HDAC9: variants seen among roughly 807,000 people sequenced by gnomAD.
HDAC9 encodes the protein MEF-2 interacting transcription repressor (MITR) protein.
Under a neutral mutation model 139.4 loss-of-function variants are expected in HDAC9, and 41 were observed. That is an observed-to-expected ratio of 0.29 (90% CI 0.23 to 0.38). HDAC9 has a LOEUF of 0.38. HDAC9 is among the 10% of genes least tolerant of loss of function. HDAC9 has a pLI of 1.00. For missense variants in HDAC9, 1,147 were observed against 1,297.0 expected, an observed-to-expected ratio of 0.88 and a Z score of 1.78; for synonymous variants, 517 against 476.2, an observed-to-expected ratio of 1.09 and a Z score of -1.12.
At chr7:18,299,894 T>A (rs73305260) in intron 1 of HDAC9, among the ~76,000 whole-genome samples, 3,007 of 152,276 alleles carry the variant, frequency 0.02, 99 homozygotes, top group African/African-American at 0.068. Flanking sequence ...CGTATTTTAG[T>A]CAAAGATGTT....
upstream of HDAC9, among the ~76,000 whole-genome samples, chr7:18,494,077 G>T (rs1020526945): frequency 3.3e-5 from 5 of 152,010 alleles, no homozygotes; most frequent in African/African-American, 7.2e-5. Flanking sequence ...AAGTTTATTT[G>T]TAATATCAGA....
At chr7:18,627,956 C>G (rs536890604) in intron 6 of HDAC9, among the ~76,000 whole-genome samples, 1 of 152,016 alleles carries the variant, frequency 6.6e-6, no homozygotes, top group Non-Finnish European at 1.5e-5. Flanking sequence ...AGTTCTCCAT[C>G]GAAGCTTAAA....
intron 1 of HDAC9, among the ~76,000 whole-genome samples, chr7:18,458,199 G>A (rs1793517633): frequency 2.0e-5 from 3 of 152,138 alleles, no homozygotes; most frequent in South Asian, 2.1e-4. Context: ...TAATTAAATC[G>A]TGGATGGTTG....
chr7:18,666,907 A>AT (rs1795028705), intron 12 of HDAC9: 29 of 995,992 alleles, frequency 2.9e-5, no homozygotes, highest in African/African-American at 3.5e-5. Context: ...TTAGTTTTTG[A>AT]TTTTTTGCAA....
At chr7:18,491,217 T>C (rs1740469076), upstream of HDAC9, among the ~76,000 whole-genome samples, 1 of 151,900 alleles carries the variant, frequency 6.6e-6, no homozygotes, top group South Asian at 2.1e-4. Context: ...AATAAAACAT[T>C]CTTTATATTT....
intron 2 of HDAC9, among the ~76,000 whole-genome samples, chr7:18,224,137 A>G (rs181064225): frequency 6.6e-6 from 1 of 152,302 alleles, no homozygotes; most frequent in East Asian, 1.9e-4. Context: ...ACATGTACGT[A>G]TGACTGCATA....
intron 2 of HDAC9, among the ~76,000 whole-genome samples, chr7:18,216,021 C>T (rs185527323): frequency 1.3e-5 from 2 of 152,000 alleles, no homozygotes; most frequent in Admixed American, 1.3e-4. Flanking sequence ...AGGCACCCTT[C>T]CTTTCTTTTT....
chr7:18,371,145 T>A (rs1385375059), intron 1 of HDAC9, among the ~76,000 whole-genome samples: 1 of 152,178 alleles, frequency 6.6e-6, no homozygotes, highest in East Asian at 1.9e-4. Context: ...AATCTTGGCA[T>A]GAAATTTGCT....
intron 2 of HDAC9, among the ~76,000 whole-genome samples, chr7:18,252,052 A>C (rs1288314542): frequency 1.3e-5 from 2 of 152,214 alleles, no homozygotes; most frequent in East Asian, 3.8e-4. Flanking sequence ...AAATGTCAGT[A>C]AGCTAGTCTT....
At chr7:18,252,264 C>A (rs1485276656) in intron 2 of HDAC9, among the ~76,000 whole-genome samples, 1 of 152,116 alleles carries the variant, frequency 6.6e-6, no homozygotes, top group African/African-American at 2.4e-5. Flanking sequence ...GTCAATGTGG[C>A]CACTGGTTCC....
At chr7:18,906,131 T>A (rs1802239306) in intron 22 of HDAC9, among the ~76,000 whole-genome samples, 2 of 151,824 alleles carry the variant, frequency 1.3e-5, no homozygotes, top group African/African-American at 4.8e-5. Context: ...CTTTTTCCTT[T>A]TTTTTTTAAC....
intron 2 of HDAC9, among the ~76,000 whole-genome samples, chr7:18,545,610 A>G (rs1814530191): frequency 6.6e-6 from 1 of 152,208 alleles, no homozygotes; most frequent in African/African-American, 2.4e-5. Flanking sequence ...CCTTGGGAAT[A>G]GGCATTGTGT....
At chr7:18,199,754 CAAAAAAAAAAAA>C (rs59883693) in intron 2 of HDAC9, among the ~76,000 whole-genome samples, 3 of 55,710 alleles carry the variant, frequency 5.4e-5, no homozygotes, top group Admixed American at 2.2e-4. Flanking sequence ...ATGTGTCTAC[CAAAAAAAAAAAA>C]AAAAAAAAAA....
intron 1 of HDAC9, among the ~76,000 whole-genome samples, chr7:18,396,588 T>A (rs113922293): frequency 6.6e-6 from 1 of 152,120 alleles, no homozygotes; most frequent in Non-Finnish European, 1.5e-5. Flanking sequence ...TCCTGGAAAT[T>A]GTTTTAAGGG....
chr7:18,935,692 T>A, intron 22 of HDAC9, 117 bp from the exon 23 acceptor site: 1 of 877,320 alleles, frequency 1.1e-6, no homozygotes, highest in Non-Finnish European at 1.8e-6. Flanking sequence ...ATTGGATGAG[T>A]TAGCACACAG....
intron 2 of HDAC9, among the ~76,000 whole-genome samples, chr7:18,192,572 C>G (rs1276470914): frequency 6.6e-6 from 1 of 152,060 alleles, no homozygotes. Context: ...TCATTTCACT[C>G]AGGAATTTGC....
chr7:18,636,158 G>C (rs958847963), intron 8 of HDAC9, among the ~76,000 whole-genome samples: 1 of 152,008 alleles, frequency 6.6e-6, no homozygotes, highest in Non-Finnish European at 1.5e-5. Flanking sequence ...AGAGATAGAA[G>C]ATAAAGCCTA....
At chr7:18,607,472 C>T (rs915327195) in intron 6 of HDAC9, among the ~76,000 whole-genome samples, 1 of 152,086 alleles carries the variant, frequency 6.6e-6, no homozygotes, top group Non-Finnish European at 1.5e-5. Context: ...ATTTGCCTTC[C>T]AGTGTTATTG....
chr7:18,689,522 T>C (rs1584848264), intron 12 of HDAC9, among the ~76,000 whole-genome samples: 1 of 152,118 alleles, frequency 6.6e-6, no homozygotes, highest in East Asian at 1.9e-4. Flanking sequence ...TTAAAAGTTC[T>C]CTTAATCAAG....
Sources: gnomAD v4.1 joint callset for allele counts (sites outside exome capture counted in the v4.1 genomes callset) on GRCh38, gnomAD v4.1.1 for gene constraint, MANE v1.5 for transcripts, NCBI Gene and HGNC (gene_info 2026-07-23, HGNC 2026-07-21) for gene names.